Variants in CNTN1 observed in about 807,000 individuals in gnomAD.
The protein encoded by CNTN1 is contactin 1.
Under a neutral mutation model 126.4 loss-of-function variants are expected in CNTN1, and 38 were observed. That is an observed-to-expected ratio of 0.30 (90% CI 0.23 to 0.39). The LOEUF (loss-of-function observed/expected upper bound fraction) is 0.39, where lower values mean the gene tolerates loss of function less well. Ranked by LOEUF, CNTN1 falls within the 10% of genes least tolerant of loss-of-function variation. The probability of loss-of-function intolerance (pLI) is 1.00; values close to 1 mark genes in which losing one functional copy is unlikely to be tolerated. For synonymous variants in CNTN1, 413 were observed against 422.6 expected (o/e 0.98, Z 0.28); for missense variants, 1,009 against 1,248.4 (o/e 0.81, Z 2.89).
At chr12:40,879,975 T>C (rs1477939525) in intron 1 of CNTN1, among the ~76,000 whole-genome samples, 1 of 152,124 alleles carries the variant, frequency 6.6e-6, no homozygotes, top group African/African-American at 2.4e-5. Flanking sequence ...ACAAGCTGAA[T>C]AAAGATTGTG....
At chr12:40,915,632 G>T (rs912453721) in intron 3 of CNTN1, among the ~76,000 whole-genome samples, 1 of 151,282 alleles carries the variant, frequency 6.6e-6, no homozygotes, top group Non-Finnish European at 1.5e-5. Flanking sequence ...GTCAGAGAAG[G>T]TTCAAAGGAA....
At chr12:40,763,369 A>G (rs995273376) in intron 1 of CNTN1, among the ~76,000 whole-genome samples, 41 of 152,218 alleles carry the variant, frequency 2.7e-4, no homozygotes, top group Non-Finnish European at 4.0e-4. Context: ...GAAAGAGTTC[A>G]CTGATGGAGG....
intron 16 of CNTN1, among the ~76,000 whole-genome samples, chr12:40,983,427 A>AT (rs1749664013): frequency 6.6e-6 from 1 of 151,186 alleles, no homozygotes; most frequent in African/African-American, 2.4e-5. Flanking sequence ...AGAAGTGAGC[A>AT]TTTTCTAGTG....
rs115192098 is a variant in CNTN1 at position 41,040,153 on chromosome 12, G to T, written c.2980+10934G>T. On this transcript the variant is annotated intron_variant, in intron 23 of 23. Transcript: ENST00000551295. ...TTTTGAAGCTTCATCTTCAAAGGAA[G>T]CCCAGCTTTTAACAGAAGCTCCTCA... 5.0e-3 allele frequency among the ~76,000 whole-genome samples: 765 copies of T among 152,206 alleles called. 8 individuals are homozygous for T. Among genetic ancestry groups the T allele is most frequent in the African/African-American group, 0.017 (721 of 41,546 alleles).
At chr12:40,819,805 C>CA (rs1232515417) in intron 1 of CNTN1, among the ~76,000 whole-genome samples, 1 of 152,156 alleles carries the variant, frequency 6.6e-6, no homozygotes, top group Non-Finnish European at 1.5e-5. Flanking sequence ...TGTGGGTTCA[C>CA]AAGTAGGATC....
chr12:41,005,191 C>A (rs1046216307), intron 17 of CNTN1: 1 of 152,030 alleles, frequency 6.6e-6, no homozygotes, highest in Non-Finnish European at 1.5e-5. Flanking sequence ...GCTTATGAAG[C>A]TTAGTTTGGC....
intron 1 of CNTN1, among the ~76,000 whole-genome samples, chr12:40,812,736 G>C (rs142737378): frequency 1.3e-5 from 2 of 152,110 alleles, no homozygotes; most frequent in East Asian, 3.9e-4. Context: ...CATTTGCATG[G>C]AATATCTTCT....
At chr12:40,954,983 C>T (rs1946821464) in intron 14 of CNTN1, among the ~76,000 whole-genome samples, 2 of 152,004 alleles carry the variant, frequency 1.3e-5, no homozygotes, top group African/African-American at 2.4e-5. Flanking sequence ...TAATCTCAGT[C>T]TCTAGGTTGA....
intron 14 of CNTN1, among the ~76,000 whole-genome samples, chr12:40,945,278 T>A (rs1321036507): frequency 6.6e-6 from 1 of 152,056 alleles, no homozygotes; most frequent in African/African-American, 2.4e-5. Flanking sequence ...ATTTTGCACA[T>A]GCCCAAAATT....
At chr12:40,699,929 A>T (rs1941553381) in intron 1 of CNTN1, among the ~76,000 whole-genome samples, 1 of 152,320 alleles carries the variant, frequency 6.6e-6, no homozygotes, top group African/African-American at 2.4e-5. Flanking sequence ...TAAGGACAAC[A>T]ATCTTGATAA....
intron 14 of CNTN1, among the ~76,000 whole-genome samples, chr12:40,955,675 G>A (rs915831847): frequency 6.6e-6 from 1 of 152,196 alleles, no homozygotes; most frequent in East Asian, 1.9e-4. Context: ...TACTTTGTAT[G>A]TAATAATAAA....
chr12:40,884,563 T>G (rs1943968780), intron 1 of CNTN1, among the ~76,000 whole-genome samples: 1 of 151,524 alleles, frequency 6.6e-6, no homozygotes, highest in South Asian at 2.1e-4. Context: ...TTACTACTTC[T>G]TGTAGCAGTA....
intron 1 of CNTN1, among the ~76,000 whole-genome samples, chr12:40,881,649 A>G (rs1156957619): frequency 6.6e-6 from 1 of 151,928 alleles, no homozygotes; most frequent in East Asian, 1.9e-4. Context: ...CCTAAGAAGG[A>G]TCAGAAAATG....
intron 1 of CNTN1, among the ~76,000 whole-genome samples, chr12:40,753,565 C>G (rs115661677): frequency 2.9e-3 from 439 of 152,112 alleles, no homozygotes; most frequent in African/African-American, 0.01. Flanking sequence ...GGGGAAAAGC[C>G]CCTTATAAAA....
intron 23 of CNTN1, among the ~76,000 whole-genome samples, chr12:41,049,521 A>C (rs1488400266): frequency 6.6e-6 from 1 of 152,258 alleles, no homozygotes; most frequent in Non-Finnish European, 1.5e-5. Context: ...AAATGTATTG[A>C]GAAACATCCA....
chr12:40,695,861 T>G (rs1206469549), intron 1 of CNTN1, among the ~76,000 whole-genome samples: 1 of 152,232 alleles, frequency 6.6e-6, no homozygotes, highest in Non-Finnish European at 1.5e-5. Flanking sequence ...TTTATCTTAT[T>G]GAAAATAAAG....
chr12:40,952,911 T>A (rs1946741669), intron 14 of CNTN1, among the ~76,000 whole-genome samples: 1 of 152,200 alleles, frequency 6.6e-6, no homozygotes, highest in Non-Finnish European at 1.5e-5. Context: ...AGGATGCACT[T>A]CTTTCCAAAC....
At chr12:40,716,402 T>C (rs74841311) in intron 1 of CNTN1, among the ~76,000 whole-genome samples, 3,055 of 148,456 alleles carry the variant, frequency 0.021, 45 homozygotes, top group African/African-American at 0.048. Context: ...TTCTCCTCCT[T>C]CTCCTTCTCC....
chr12:40,912,664 T>C (rs1945084237), intron 3 of CNTN1, among the ~76,000 whole-genome samples: 1 of 152,138 alleles, frequency 6.6e-6, no homozygotes, highest in Non-Finnish European at 1.5e-5. Flanking sequence ...ATTGCTTAGC[T>C]GTAGGGAGGA....
Sources: allele counts gnomAD v4.1 joint callset (sites outside exome capture counted in the v4.1 genomes callset), GRCh38; gene constraint gnomAD v4.1.1; transcripts MANE v1.5; gene names NCBI Gene and HGNC (gene_info 2026-07-23, HGNC 2026-07-21).